CYP2U1: variants seen among roughly 807,000 people sequenced by gnomAD.
The protein encoded by CYP2U1 is cytochrome P450 2U1.
In CYP2U1, 28 loss-of-function variants were observed where a neutral mutation model predicts 42.8. That is an observed-to-expected ratio of 0.65 (90% CI 0.48 to 0.90). The LOEUF (loss-of-function observed/expected upper bound fraction) is 0.90, where lower values mean the gene tolerates loss of function less well. CYP2U1 is among the 40% of genes least tolerant of loss of function. The pLI is 0.00. For synonymous variants in CYP2U1, 296 were observed against 278.9 expected (o/e 1.06, Z -0.61); for missense variants, 642 against 693.8 (o/e 0.93, Z 0.84).
chr4:107,934,340 C>T (rs927062825), intron 1 of CYP2U1, among the ~76,000 whole-genome samples: 3 of 152,160 alleles, frequency 2.0e-5, no homozygotes, highest in Admixed American at 2.0e-4. Flanking sequence ...ATCCATAAGT[C>T]TTACTGACTC....
chr4:107,948,986 ACC>A (rs1312570774), intron 3 of CYP2U1, among the ~76,000 whole-genome samples: 1 of 152,096 alleles, frequency 6.6e-6, no homozygotes, highest in Non-Finnish European at 1.5e-5. Flanking sequence ...GACATAAATG[ACC>A]CTGTAAACTA....
chr4:107,949,492 A>G lies in CYP2U1; in HGVS notation c.1431A>G (p.Lys477=). 6.3e-7 allele frequency: 1 copy of G among 1,597,460 alleles called. No individual in the cohort carries two copies. Among genetic ancestry groups the G allele is most frequent in the Non-Finnish European group, 8.5e-7 (1 of 1,172,860 alleles). The change falls in exon 4 of 5, where the codon AAA becomes AAG. Residue 477 remains lysine (K), a synonymous_variant. Transcript: ENST00000332884. ...FLDDQGQLIK[K]ETFIPFGIGK... ...ATGACCAAGGACAACTAATTAAAAA[A>G]GAAACCTTTATTCCTTTTGGGATAG...
In CYP2U1 at chr4:107,945,293, A is replaced by T; in HGVS notation, c.814A>T (p.Ile272Leu). The change falls in exon 2 of 5, where the codon ATA becomes TTA. Residue 272 changes from isoleucine to leucine, a missense_variant. By Grantham distance (5) the Ile-to-Leu change is conservative. Transcript: ENST00000332884. ...GAACAGTCAAGTCCTCCTGGTCAAC[A>T]TATGCCCTTGGCTTTATTACCTTCC... ...CLNSQVLLVNICPWLYYLPFG... is the reference protein window; with the variant it reads ...CLNSQVLLVNLCPWLYYLPFG... 1 of 1,614,142 alleles carries T rather than the reference A, an allele frequency of 6.2e-7. No homozygotes were observed. Among genetic ancestry groups the T allele is most frequent in the East Asian group, 2.2e-5 (1 of 44,862 alleles).
intron 1 of CYP2U1, chr4:107,940,627 T>C (rs887810958): frequency 2.0e-5 from 3 of 151,990 alleles, no homozygotes; most frequent in Admixed American, 2.0e-4. Context: ...TTTTCAACCA[T>C]TTATAAATGT....
In CYP2U1 at chr4:107,945,159, C is replaced by G. The variant is rs775537061; in HGVS notation, c.680C>G (p.Ala227Gly). Residue 227 changes from alanine (A) to glycine (G), a missense_variant, in exon 2 of 5, where the codon GCC becomes GGC. Ala to Gly is a moderately conservative substitution (Grantham distance 60). Transcript: ENST00000332884. ...TGCCCTTTCTCCATCATCAGCAATGCCGTCTCTAACATCATTTGCTCCTTG... is the reference window on the plus strand; with the variant it reads ...TGCCCTTTCTCCATCATCAGCAATGGCGTCTCTAACATCATTTGCTCCTTG... The part of the protein sequence containing the change: ...PFCPFSIISN[A>G]VSNIICSLCF... 6.2e-7 allele frequency: 1 copy of G among 1,614,010 alleles called. No homozygotes were observed. Among genetic ancestry groups the G allele is most frequent in the South Asian group, 1.1e-5 (1 of 91,072 alleles).
In CYP2U1 at chr4:107,932,033, C is replaced by T; in HGVS notation, c.390C>T (p.Leu130=). 1 of 1,569,290 alleles carries T rather than the reference C, an allele frequency of 6.4e-7. No individual in the cohort carries two copies. Among genetic ancestry groups the T allele is most frequent in the Non-Finnish European group, 8.6e-7 (1 of 1,157,770 alleles). The part of the protein sequence containing the change: ...FFIGHYLVVV[L]SDFHSVREAL... ...TCGGCCACTACCTGGTGGTGGTCCTCAGCGACTTCCACAGCGTGCGCGAGG... is the reference window on the plus strand; with the variant it reads ...TCGGCCACTACCTGGTGGTGGTCCTTAGCGACTTCCACAGCGTGCGCGAGG... Residue 130 remains leucine (L), a synonymous_variant, in exon 1 of 5, where the codon CTC becomes CTT. Coordinates refer to ENST00000332884, the MANE Select transcript of CYP2U1 (RefSeq NM_183075.3).
rs8727 is a variant in CYP2U1, at chr4:107,952,129, T to C, written c.*1706T>C. The C allele has an allele frequency of 0.19, 28,237 of 152,266 alleles. 2,808 individuals carry two copies. The highest frequency in any genetic ancestry group is 0.22 in the Non-Finnish European group (14,759 of 68,012). 9.4% of individuals were successfully genotyped at this position (152,266 alleles called of 1,614,324 possible). A position where few individuals can be genotyped will look rare whatever the true frequency, so the allele number is the denominator to read the frequency against. Reference sequence around the variant, plus strand: ...GCCTTGGTCTTAGTGGATGCCCAGTTGTCTTGTGAATGACTTTTAAGAAGT... The same window carrying C: ...GCCTTGGTCTTAGTGGATGCCCAGTCGTCTTGTGAATGACTTTTAAGAAGT... On this transcript the variant is annotated 3_prime_UTR_variant, in exon 5 of 5. Coordinates refer to ENST00000332884, the MANE Select transcript of CYP2U1 (RefSeq NM_183075.3).
At chr4:107,935,976 T>G (rs143519811) in intron 1 of CYP2U1, 8 of 152,374 alleles carry the variant, frequency 5.3e-5, no homozygotes, top group African/African-American at 1.9e-4. Context: ...GAAGGGTATG[T>G]TTCATAACGC....
chr4:107,943,185 T>C (rs942491289), intron 1 of CYP2U1, among the ~76,000 whole-genome samples: 1 of 152,136 alleles, frequency 6.6e-6, no homozygotes, highest in Non-Finnish European at 1.5e-5. Flanking sequence ...AACTAAAACA[T>C]TGACAAGTAT....
intron 1 of CYP2U1, among the ~76,000 whole-genome samples, chr4:107,939,967 C>A (rs1160842295): frequency 1.3e-5 from 2 of 152,020 alleles, no homozygotes; most frequent in East Asian, 3.9e-4. Context: ...TGGCCACCGA[C>A]AAAAGAAAAC....
chr4:107,948,384 C>A (rs1578733312), intron 3 of CYP2U1, among the ~76,000 whole-genome samples: 2 of 145,288 alleles, frequency 1.4e-5, no homozygotes, highest in East Asian at 4.2e-4. Flanking sequence ...GCCAACATGG[C>A]GAAAACCCAT....
At chr4:107,934,686 A>G (rs1427192765) in intron 1 of CYP2U1, among the ~76,000 whole-genome samples, 2 of 152,022 alleles carry the variant, frequency 1.3e-5, no homozygotes, top group Non-Finnish European at 2.9e-5. Context: ...TCACTTGTAC[A>G]TTTCAACCTG....
intron 2 of CYP2U1, among the ~76,000 whole-genome samples, chr4:107,947,035 C>A (rs1733720811): frequency 6.6e-6 from 1 of 152,154 alleles, no homozygotes. Context: ...TTGGGGGCCA[C>A]CTTAGGCTAT....
At position 107,947,419 on chromosome 4, in the gene CYP2U1, A is replaced by G. The variant is rs369480165; in HGVS notation, c.1170A>G (p.Arg390=). The G allele has an allele frequency of 1.6e-5, 26 of 1,614,000 alleles. No homozygotes were observed. The highest frequency in any genetic ancestry group is 2.1e-5 in the Non-Finnish European group (25 of 1,180,020). The change falls in exon 3 of 5, where the codon CGA becomes CGG. Residue 390 remains arginine, a synonymous_variant. Transcript: ENST00000332884. The part of the protein sequence containing the change: ...EEIERVIGAN[R]APSLTDKAQM... ...TTGAAAGAGTCATTGGCGCCAACCGAGCTCCTTCCCTCACAGACAAGGCCC... is the reference window on the plus strand; with the variant it reads ...TTGAAAGAGTCATTGGCGCCAACCGGGCTCCTTCCCTCACAGACAAGGCCC...
chr4:107,938,637 A>G (rs1467333382), intron 1 of CYP2U1: 1 of 152,116 alleles, frequency 6.6e-6, no homozygotes, highest in Non-Finnish European at 1.5e-5. Flanking sequence ...CTGTTTGTTC[A>G]TTCCATAGCC....
At chr4:107,943,293 T>C (rs930820916) in intron 1 of CYP2U1, among the ~76,000 whole-genome samples, 2 of 152,246 alleles carry the variant, frequency 1.3e-5, no homozygotes. Context: ...AACTGCAATG[T>C]CTAGTCATAC....
chr4:107,942,056 C>G (rs1261603457), intron 1 of CYP2U1, among the ~76,000 whole-genome samples: 1 of 152,170 alleles, frequency 6.6e-6, no homozygotes, highest in Non-Finnish European at 1.5e-5. Context: ...ATAAAGAAGG[C>G]AGTTTTCAAA....
At chr4:107,941,253 A>G (rs1445949203) in intron 1 of CYP2U1, 1 of 152,088 alleles carries the variant, frequency 6.6e-6, no homozygotes, top group African/African-American at 2.4e-5. Context: ...ATAAATATAA[A>G]TCTGTATAGC....
intron 3 of CYP2U1, 42 bp downstream of exon 3, chr4:107,947,579 C>T: frequency 6.2e-7 from 1 of 1,603,762 alleles, no homozygotes; most frequent in Non-Finnish European, 8.5e-7. Flanking sequence ...TTGACGGAAG[C>T]AGGGCCCTCT....
Sources: gnomAD v4.1 joint callset for allele counts (sites outside exome capture counted in the v4.1 genomes callset) on GRCh38, gnomAD v4.1.1 for gene constraint, MANE v1.5 for transcripts, NCBI Gene and HGNC (gene_info 2026-07-23, HGNC 2026-07-21) for gene names.